CLSTN2: variants seen among roughly 807,000 people sequenced by gnomAD.
The protein encoded by CLSTN2 is calsyntenin 2, also known as calsyntenin-2.
Under a neutral mutation model 101.2 loss-of-function variants are expected in CLSTN2, and 48 were observed. The observed-to-expected ratio is 0.47, with a 90% CI of 0.38 to 0.60. CLSTN2 has a LOEUF of 0.60. Ranked by LOEUF, CLSTN2 falls within the 20% of genes least tolerant of loss-of-function variation. The pLI is 0.00. For missense variants in CLSTN2, 1,160 were observed against 1,238.2 expected (o/e 0.94, Z 0.95); for synonymous variants, 481 against 463.6 (o/e 1.04, Z -0.48).
chr3:140,036,284 ACT>A (rs1272105548), intron 1 of CLSTN2, among the ~76,000 whole-genome samples: 2 of 152,112 alleles, frequency 1.3e-5, no homozygotes, highest in Non-Finnish European at 2.9e-5. Flanking sequence ...ATTTTTTAGA[ACT>A]GTTTCCATGT....
chr3:140,107,185 G>T (rs1005347208), intron 1 of CLSTN2, among the ~76,000 whole-genome samples: 20 of 152,138 alleles, frequency 1.3e-4, no homozygotes, highest in African/African-American at 4.6e-4. Context: ...CCTCTATGTT[G>T]ACATCTGCTT....
At chr3:140,081,353 G>T (rs111300727) in intron 1 of CLSTN2, among the ~76,000 whole-genome samples, 1 of 152,124 alleles carries the variant, frequency 6.6e-6, no homozygotes, top group Non-Finnish European at 1.5e-5. Flanking sequence ...AATTTTCTTC[G>T]TGCCAAGGTT....
chr3:140,222,874 G>GGAAAAA lies in CLSTN2; in HGVS notation c.232+46801_232+46802insGAAAAA, dbSNP rs375172985. On this transcript the variant is annotated intron_variant, in intron 2 of 16. Coordinates refer to ENST00000458420, the MANE Select transcript of CLSTN2 (RefSeq NM_022131.3). ...TAGAAATTGAAAATTAAAATTTTAA[G>GGAAAAA]AAAAAAAAAAAAAACACTGCTATGC... Among the ~76,000 whole-genome samples the GGAAAAA allele has an allele frequency of 2.8e-4, 40 of 143,200 alleles. 1 individual carries two copies. Among genetic ancestry groups the GGAAAAA allele is most frequent in the African/African-American group, 1.0e-3 (39 of 38,816 alleles). 93.9% of individuals were successfully genotyped at this position (143,200 alleles called of 152,430 possible). A position where few individuals can be genotyped will look rare whatever the true frequency, so the allele number is the denominator to read the frequency against.
intron 5 of CLSTN2, among the ~76,000 whole-genome samples, chr3:140,427,189 A>ATATATATATATGTG (rs2088576764): frequency 1.3e-5 from 1 of 79,572 alleles, no homozygotes; most frequent in African/African-American, 9.4e-5. Context: ...AAAAAAATAT[A>ATATATATATATGTG]TATATATATA....
At chr3:140,265,905 G>C (rs1405232341) in intron 2 of CLSTN2, among the ~76,000 whole-genome samples, 2 of 152,158 alleles carry the variant, frequency 1.3e-5, no homozygotes, top group African/African-American at 4.8e-5. Context: ...AAGCATCCCT[G>C]CACTGGGAAA....
chr3:140,023,952 C>T (rs778853029), intron 1 of CLSTN2, among the ~76,000 whole-genome samples: 6 of 152,182 alleles, frequency 3.9e-5, no homozygotes, highest in Non-Finnish European at 8.8e-5. Context: ...CTCACAGTAG[C>T]AGGGAGGGCT....
At chr3:140,353,191 G>T (rs2107943998) in intron 2 of CLSTN2, among the ~76,000 whole-genome samples, 1 of 148,462 alleles carries the variant, frequency 6.7e-6, no homozygotes, top group East Asian at 2.0e-4. Context: ...TAAGTGTGTT[G>T]GGGTTCTGTA....
At chr3:139,952,462 G>GT (rs1553785351) in intron 1 of CLSTN2, among the ~76,000 whole-genome samples, 1 of 151,914 alleles carries the variant, frequency 6.6e-6, no homozygotes, top group Non-Finnish European at 1.5e-5. Context: ...TTGGTTTTTT[G>GT]CCCCTACATT....
intron 2 of CLSTN2, among the ~76,000 whole-genome samples, chr3:140,245,145 C>A (rs1243077693): frequency 6.6e-6 from 1 of 152,132 alleles, no homozygotes. Flanking sequence ...ACCACGTGTT[C>A]CAGGGCTGGC....
chr3:139,999,393 T>C (rs997115072), intron 1 of CLSTN2, among the ~76,000 whole-genome samples: 1 of 152,096 alleles, frequency 6.6e-6, no homozygotes, highest in African/African-American at 2.4e-5. Context: ...TTGTCCAGGG[T>C]GAAGTTTTCT....
chr3:140,215,445 C>T (rs1043038473), intron 2 of CLSTN2, among the ~76,000 whole-genome samples: 3 of 152,202 alleles, frequency 2.0e-5, no homozygotes, highest in African/African-American at 7.2e-5. Context: ...ATTTATCTGT[C>T]CTTTTTTCCC....
At chr3:140,069,641 T>C (rs1256600509) in intron 1 of CLSTN2, among the ~76,000 whole-genome samples, 1 of 152,222 alleles carries the variant, frequency 6.6e-6, no homozygotes, top group African/African-American at 2.4e-5. Context: ...GCCCTTTTAC[T>C]GTGAGAAAGC....
In CLSTN2 at chr3:140,555,098, C is replaced by A. The variant is rs1209278208; in HGVS notation, c.1675-1415C>A. On this transcript the variant is annotated intron_variant, in intron 10 of 16. Transcript: ENST00000458420. ...AGATTGGCTGCAGCTCTGATCCATACCTCCCTCACTGTGAGATGCAAGCCG... is the reference window on the plus strand; with the variant it reads ...AGATTGGCTGCAGCTCTGATCCATAACTCCCTCACTGTGAGATGCAAGCCG... 3.3e-5 allele frequency among the ~76,000 whole-genome samples: 5 copies of A among 152,226 alleles called. No homozygotes were observed. In the South Asian group the frequency reaches 6.2e-4, roughly 19 times the overall value.
At chr3:140,145,132 G>A (rs1264990116) in intron 1 of CLSTN2, among the ~76,000 whole-genome samples, 6 of 152,192 alleles carry the variant, frequency 3.9e-5, no homozygotes, top group African/African-American at 1.4e-4. Flanking sequence ...TGGCCTTTTA[G>A]CACAACACCT....
intron 2 of CLSTN2, among the ~76,000 whole-genome samples, chr3:140,312,306 G>A (rs2087177171): frequency 6.6e-6 from 1 of 152,230 alleles, no homozygotes. Flanking sequence ...GCACAGTGTG[G>A]CCTTCCTTGC....
intron 1 of CLSTN2, among the ~76,000 whole-genome samples, chr3:139,979,592 G>A (rs1330750209): frequency 6.6e-6 from 1 of 152,002 alleles, no homozygotes; most frequent in African/African-American, 2.4e-5. Flanking sequence ...GCTGCAAGAG[G>A]GGAGCTTTTA....
chr3:140,544,095 C>T (rs960369402), intron 9 of CLSTN2, among the ~76,000 whole-genome samples: 3 of 152,214 alleles, frequency 2.0e-5, no homozygotes, highest in African/African-American at 7.2e-5. Context: ...TTCAAATCAA[C>T]ATCTCCTTCA....
chr3:140,299,639 T>G (rs370978049), intron 2 of CLSTN2, among the ~76,000 whole-genome samples: 121 of 152,314 alleles, frequency 7.9e-4, no homozygotes, highest in African/African-American at 2.7e-3. Context: ...GTCACCTATC[T>G]TTGGCTATTG....
intron 1 of CLSTN2, among the ~76,000 whole-genome samples, chr3:140,119,775 A>G (rs2009308257): frequency 6.6e-6 from 1 of 152,174 alleles, no homozygotes; most frequent in African/African-American, 2.4e-5. Context: ...TGCTGGGATT[A>G]CAGGCATGAA....
Sources: gnomAD v4.1 joint callset for allele counts (sites outside exome capture counted in the v4.1 genomes callset) on GRCh38, gnomAD v4.1.1 for gene constraint, MANE v1.5 for transcripts, NCBI Gene and HGNC (gene_info 2026-07-23, HGNC 2026-07-21) for gene names.